CTNNA1: variants seen among roughly 807,000 people sequenced by gnomAD.
CTNNA1 encodes catenin alpha-1.
A neutral mutation model predicts 98.4 loss-of-function variants in CTNNA1; 37 were observed. The ratio of observed to expected loss-of-function variants is 0.38; its 90% confidence interval spans 0.29 to 0.49. The LOEUF (loss-of-function observed/expected upper bound fraction) is 0.49. Ranked by LOEUF, CTNNA1 falls within the 20% of genes least tolerant of loss-of-function variation. The pLI is 0.95. For synonymous variants in CTNNA1, 404 were observed against 413.2 expected, an observed-to-expected ratio of 0.98 and a Z score of 0.27; for missense variants, 761 against 1,147.2, an observed-to-expected ratio of 0.66 and a Z score of 4.86.
At chr5:138,932,299 GAGGGAAGTCAGTGGGAGGCTCAGA>G in intron 16 of CTNNA1, 1 of 1,217,014 alleles carries the variant, frequency 8.2e-7, no homozygotes, top group Non-Finnish European at 1.0e-6. Flanking sequence ...GCCGTCATAG[GAGGGAAGTCAGTGGGAGGCTCAGA>G]AGGCCTTGGC....
intron 1 of CTNNA1, 75 bp downstream of exon 1, chr5:138,753,585 C>A: frequency 2.8e-6 from 1 of 361,974 alleles, no homozygotes; most frequent in South Asian, 1.3e-4. Context: ...CGGGCCGTCC[C>A]AAGCTGGGCC....
At chr5:138,789,192 C>T (rs1349737489) in intron 3 of CTNNA1, among the ~76,000 whole-genome samples, 4 of 152,078 alleles carry the variant, frequency 2.6e-5, no homozygotes, top group Non-Finnish European at 1.5e-5. Context: ...TGTTTTTCCC[C>T]CCCCCCAGAG....
chr5:138,873,481 G>A lies in CTNNA1; in HGVS notation c.1063-12731G>A. ...CAGTGACAGTGGTTGACAAATTCCA[G>A]CAGAGCTGAAATCCATGGACTGCAT... On this transcript the variant is annotated intron_variant, in intron 7 of 17. Transcript: ENST00000302763. The surrounding 1 kb of genome is among the most constrained non-coding windows in gnomAD (Gnocchi z 6.1). The A allele has an allele frequency of 1.2e-6, 2 of 1,614,030 alleles. No individual in the cohort carries two copies. The highest frequency in any genetic ancestry group is 1.3e-5 in the African/African-American group (1 of 75,044).
chr5:138,872,799 T>G (rs189830469), intron 7 of CTNNA1: 83 of 446,414 alleles, frequency 1.9e-4, no homozygotes, highest in African/African-American at 1.5e-3. Context: ...CCAACAGGAG[T>G]GCAAATTAAT....
intron 5 of CTNNA1, among the ~76,000 whole-genome samples, chr5:138,822,009 AAG>A (rs998698005): frequency 6.6e-6 from 1 of 152,180 alleles, no homozygotes; most frequent in Non-Finnish European, 1.5e-5. Context: ...AGCAGTTCTA[AAG>A]AGAGAAAAAA....
chr5:138,926,501 T>A (rs1176461296), intron 13 of CTNNA1, among the ~76,000 whole-genome samples: 1 of 152,200 alleles, frequency 6.6e-6, no homozygotes, highest in Admixed American at 6.5e-5. Context: ...CTGTCCTGTT[T>A]GGCCCACTTG....
intron 9 of CTNNA1, among the ~76,000 whole-genome samples, chr5:138,895,507 G>C (rs949516615): frequency 2.0e-4 from 30 of 151,802 alleles, no homozygotes; most frequent in African/African-American, 7.0e-4. Flanking sequence ...GTTTTTTGGG[G>C]GGGGGGATGG....
At chr5:138,781,891 T>A in intron 1 of CTNNA1, 32 bp from the exon 2 acceptor site, 1 of 1,557,530 alleles carries the variant, frequency 6.4e-7, no homozygotes, top group South Asian at 1.2e-5. Context: ...GTGTTTGATG[T>A]TTGCCTGACT....
At chr5:138,791,243 T>G (rs1756321838) in intron 3 of CTNNA1, among the ~76,000 whole-genome samples, 1 of 152,206 alleles carries the variant, frequency 6.6e-6, no homozygotes, top group African/African-American at 2.4e-5. Context: ...TGCATTTTCC[T>G]TGAGTAGAAG....
At chr5:138,903,655 A>G (rs950012191) in intron 9 of CTNNA1, among the ~76,000 whole-genome samples, 1 of 152,168 alleles carries the variant, frequency 6.6e-6, no homozygotes, top group Non-Finnish European at 1.5e-5. Flanking sequence ...ACGGGAAGGT[A>G]AAGATTTCGG....
At position 138,874,194 on chromosome 5, in the gene CTNNA1, A is replaced by G; in HGVS notation, c.1063-12018A>G. 4.3e-6 allele frequency: 7 copies of G among 1,614,028 alleles called. No homozygotes were observed. Among genetic ancestry groups the G allele is most frequent in the Non-Finnish European group, 5.9e-6 (7 of 1,179,876 alleles). On this transcript the variant is annotated intron_variant, in intron 7 of 17. Coordinates refer to ENST00000302763, the MANE Select transcript of CTNNA1 (RefSeq NM_001903.5). This position sits in a 1 kb window ranked among gnomAD's most constrained non-coding sequence, Gnocchi z 4.1. ...TGGGTAAAAGTTGTGTTTGGCAAGT[A>G]AAATATTTTGTTGGAACTTAAGATT...
At position 138,932,344 on chromosome 5, in the gene CTNNA1, G is replaced by A; in HGVS notation, c.2299-234G>A. The stretch of plus-strand genomic sequence containing the variant: ...TCAGAAGGCCTTGGCTATACAACCA[G>A]TGCCATGCGGCGCAGTCAGGGTCCC... On this transcript the variant is annotated intron_variant, in intron 16 of 17. Coordinates refer to ENST00000302763, the MANE Select transcript of CTNNA1 (RefSeq NM_001903.5). The A allele has an allele frequency of 2.2e-6, 3 of 1,360,296 alleles. No individual in the cohort carries two copies. The South Asian group carries it at 5.3e-5, about 24-fold the overall frequency. The allele number at this position is 1,360,296 out of a possible 1,614,324, so 84.3% of individuals were successfully genotyped here. A position where few individuals can be genotyped will look rare whatever the true frequency, so the allele number is the denominator to read the frequency against.
chr5:138,914,662 C>G lies in CTNNA1; in HGVS notation c.1390-3080C>G, dbSNP rs536004299. Among the ~76,000 whole-genome samples the G allele has an allele frequency of 1.1e-3, 160 of 151,946 alleles. 1 individual carries two copies. Among genetic ancestry groups the G allele is most frequent in the Non-Finnish European group, 1.9e-3 (130 of 68,000 alleles). On this transcript the variant is annotated intron_variant, in intron 10 of 17. Coordinates refer to ENST00000302763, the MANE Select transcript of CTNNA1 (RefSeq NM_001903.5). Reference sequence around the variant, plus strand: ...AGTCGTCTTTAGTCTGTTTTCACCTCCAGCCTTTGGAGGGCTAAGTTACAA... The same window carrying G: ...AGTCGTCTTTAGTCTGTTTTCACCTGCAGCCTTTGGAGGGCTAAGTTACAA...
chr5:138,873,446 G>A lies in CTNNA1; in HGVS notation c.1063-12766G>A. 1 of 1,613,934 alleles carries A rather than the reference G, an allele frequency of 6.2e-7. No homozygotes were observed. Among genetic ancestry groups the A allele is most frequent in the Non-Finnish European group, 8.5e-7 (1 of 1,179,880 alleles). ...TTCAGTGGTTGGATCTCTATAAGTT[G>A]TAGCCATGACAGTGACAGTGGTTGA... On this transcript the variant is annotated intron_variant, in intron 7 of 17. Transcript: ENST00000302763. The surrounding 1 kb of genome is among the most constrained non-coding windows in gnomAD (Gnocchi z 6.1).
chr5:138,812,060 G>A (rs1019479484), intron 4 of CTNNA1, 123 bp from the exon 5 acceptor site: 21 of 781,388 alleles, frequency 2.7e-5, no homozygotes, highest in Admixed American at 7.5e-5. Context: ...GCGCAAACTC[G>A]AGAGCTAAGT....
At chr5:138,815,247 G>A (rs1005598525) in intron 5 of CTNNA1, among the ~76,000 whole-genome samples, 2 of 151,784 alleles carry the variant, frequency 1.3e-5, no homozygotes, top group African/African-American at 4.8e-5. Context: ...AGTAGCAAAT[G>A]CCAAAGTTTT....
intron 7 of CTNNA1, among the ~76,000 whole-genome samples, chr5:138,846,513 TAGG>T (rs1007357712): frequency 1.6e-4 from 24 of 152,214 alleles, no homozygotes; most frequent in African/African-American, 5.8e-4. Context: ...ATATTTCCTG[TAGG>T]AGTTCAGGCA....
At chr5:138,912,082 T>G (rs1230039486) in intron 10 of CTNNA1, among the ~76,000 whole-genome samples, 3 of 152,106 alleles carry the variant, frequency 2.0e-5, no homozygotes, top group Admixed American at 2.0e-4. Context: ...ACAGGATGTG[T>G]AAATGTGAGA....
At chr5:138,927,307 A>G (rs1484299973) in intron 13 of CTNNA1, among the ~76,000 whole-genome samples, 1 of 152,164 alleles carries the variant, frequency 6.6e-6, no homozygotes, top group African/African-American at 2.4e-5. Context: ...GGAACCTGTC[A>G]CTTCTCCAAC....
Sources: gnomAD v4.1 joint callset for allele counts (sites outside exome capture counted in the v4.1 genomes callset) on GRCh38, gnomAD v4.1.1 for gene constraint, Gnocchi (gnomAD v3.1) non-coding constraint, MANE v1.5 for transcripts, NCBI Gene and HGNC (gene_info 2026-07-23, HGNC 2026-07-21) for gene names.